TLE2: variants seen among roughly 807,000 people sequenced by gnomAD.
TLE2 encodes transducin-like enhancer protein 2.
Under a neutral mutation model 97.2 loss-of-function variants are expected in TLE2, and 74 were observed. That is an observed-to-expected ratio of 0.76 (90% CI 0.63 to 0.92). The LOEUF (loss-of-function observed/expected upper bound fraction) is 0.92, where lower values mean the gene tolerates loss of function less well. Among genes scored for constraint, TLE2 ranks in the 40% least tolerant of loss-of-function variants. TLE2 has a pLI of 0.00. For synonymous variants in TLE2, 499 were observed against 432.1 expected (o/e 1.15, Z -1.92); for missense variants, 1,038 against 1,008.7 (o/e 1.03, Z -0.39).
chr19:3,046,420 C>T (rs983104170), upstream of TLE2, among the ~76,000 whole-genome samples: 2 of 152,234 alleles, frequency 1.3e-5, no homozygotes, highest in Non-Finnish European at 2.9e-5. Context: ...TTTCCTCCAC[C>T]CCTCCCCGCC....
At chr19:3,021,044 GCA>G (rs1390872881) in intron 5 of TLE2, among the ~76,000 whole-genome samples, 4 of 130,254 alleles carry the variant, frequency 3.1e-5, no homozygotes, top group South Asian at 2.6e-4. Flanking sequence ...AGCCAAGATT[GCA>G]CCACTGCACT....
intron 10 of TLE2, 100 bp from the exon 11 acceptor site, chr19:3,013,918 G>GGGT: frequency 5.0e-6 from 6 of 1,197,310 alleles, no homozygotes; most frequent in Non-Finnish European, 6.5e-6. Context: ...CTCTAGAATG[G>GGGT]GTACCCATGA....
chr19:3,029,402 C>G (rs1246346513), upstream of TLE2: 1 of 644,714 alleles, frequency 1.6e-6, no homozygotes, highest in Admixed American at 6.5e-5. Flanking sequence ...GGCCCCCGGG[C>G]ACCCGCCCCC....
chr19:2,999,359 AAGAC>A (rs1264731942), intron 19 of TLE2, among the ~76,000 whole-genome samples: 4 of 152,128 alleles, frequency 2.6e-5, no homozygotes, highest in Non-Finnish European at 5.9e-5. Flanking sequence ...GCATATTAAA[AAGAC>A]AGCCAATAAC....
chr19:3,023,175 C>T (rs1056256320), intron 5 of TLE2, among the ~76,000 whole-genome samples: 8 of 151,964 alleles, frequency 5.3e-5, no homozygotes, highest in Admixed American at 5.3e-4. Flanking sequence ...CTGCCTCAGC[C>T]TCCCGAGTAG....
chr19:3,030,619 G>A (rs1450192149), upstream of TLE2, among the ~76,000 whole-genome samples: 1 of 151,986 alleles, frequency 6.6e-6, no homozygotes, highest in Non-Finnish European at 1.5e-5. Context: ...CCTTACAAAA[G>A]GGCACAAGAG....
In TLE2 at chr19:3,019,494, C is replaced by T. The variant is rs1433453848; in HGVS notation, c.370-31G>A. 15 of 1,487,342 alleles carry T rather than the reference C, an allele frequency of 1.0e-5. No homozygotes were observed. Among genetic ancestry groups the T allele is most frequent in the Admixed American group, 6.6e-5 (3 of 45,396 alleles). The allele number at this position is 1,487,342 out of a possible 1,614,324, so 92.1% of individuals were successfully genotyped here. ...AGAAAGGAGGCAGGATGGGCCGGGG[C>T]GGGGGGCGGCAGGAGCCCAGCGGTC... is the stretch of plus-strand genomic sequence containing the variant. On this transcript the variant is annotated intron_variant, in intron 6 of 19. Transcript: ENST00000262953. This position sits in a 1 kb window ranked among gnomAD's most constrained non-coding sequence, Gnocchi z 5.1.
At chr19:3,029,952 AC>A (rs774296884), upstream of TLE2, among the ~76,000 whole-genome samples, 63 of 152,084 alleles carry the variant, frequency 4.1e-4, 1 homozygote, top group Non-Finnish European at 7.9e-4. Flanking sequence ...GTGCACCACC[AC>A]GCCCAGCTAA....
Position 3,019,185 on chromosome 19 carries a change from A to G in TLE2, c.550+98T>C, listed in dbSNP as rs2089783208. 1.2e-5 allele frequency: 17 copies of G among 1,465,258 alleles called. No homozygotes were observed. In the South Asian group the frequency reaches 1.9e-4, roughly 17 times the overall value. The allele number at this position is 1,465,258 out of a possible 1,614,324, so 90.8% of individuals were successfully genotyped here. A position where few individuals can be genotyped will look rare whatever the true frequency, so the allele number is the denominator to read the frequency against. The stretch of plus-strand genomic sequence containing the variant: ...ATTGTTGGGATTATAGGCATGAGCC[A>G]CTTCATCCCCTCACGCTGATGTTTG... On this transcript the variant is annotated intron_variant, in intron 7 of 19. Coordinates refer to ENST00000262953, the MANE Select transcript of TLE2 (RefSeq NM_003260.5). This position sits in a 1 kb window ranked among gnomAD's most constrained non-coding sequence, Gnocchi z 5.1.
At chr19:3,016,940 A>G (rs938103893) in intron 8 of TLE2, among the ~76,000 whole-genome samples, 5 of 149,416 alleles carry the variant, frequency 3.3e-5, no homozygotes, top group African/African-American at 7.5e-5. Flanking sequence ...CACCACACCC[A>G]GCTAATTTTG....
At chr19:3,002,972 T>A (rs2089397763) in intron 17 of TLE2, among the ~76,000 whole-genome samples, 1 of 152,168 alleles carries the variant, frequency 6.6e-6, no homozygotes. Context: ...GTGCTGGGAC[T>A]ACAGGTGTGA....
rs1458652212 is a variant in TLE2 at position 3,019,549 on chromosome 19, G to A, written c.370-86C>T. The A allele has an allele frequency of 1.3e-6, 2 of 1,485,256 alleles. No individual in the cohort carries two copies. The highest frequency in any genetic ancestry group is 1.8e-6 in the Non-Finnish European group (2 of 1,115,394). The allele number at this position is 1,485,256 out of a possible 1,614,324, so 92.0% of individuals were successfully genotyped here. A position where few individuals can be genotyped will look rare whatever the true frequency, so the allele number is the denominator to read the frequency against. On this transcript the variant is annotated intron_variant, in intron 6 of 19. Coordinates refer to ENST00000262953, the MANE Select transcript of TLE2 (RefSeq NM_003260.5). The surrounding 1 kb of genome is among the most constrained non-coding windows in gnomAD (Gnocchi z 5.1). Reference sequence around the variant, plus strand: ...GCCCAAGAGGTAGACACAGGGGATGGGACCTAAGCACAGCATGTGCCCCTG... The same window carrying A: ...GCCCAAGAGGTAGACACAGGGGATGAGACCTAAGCACAGCATGTGCCCCTG...
intron 14 of TLE2, among the ~76,000 whole-genome samples, chr19:3,008,454 TC>T (rs1436043059): frequency 3.6e-5 from 5 of 138,110 alleles, no homozygotes; most frequent in Non-Finnish European, 7.9e-5. Flanking sequence ...TTTTCTTTTT[TC>T]TTTTTTTTTT....
upstream of TLE2, among the ~76,000 whole-genome samples, chr19:3,033,372 T>C (rs1347023055): frequency 2.0e-5 from 3 of 152,086 alleles, no homozygotes; most frequent in African/African-American, 7.2e-5. Flanking sequence ...TTTCACCATG[T>C]TAGTCAGGAT....
At chr19:3,000,997 G>A (rs2089346026) in intron 18 of TLE2, among the ~76,000 whole-genome samples, 2 of 151,656 alleles carry the variant, frequency 1.3e-5, no homozygotes, top group East Asian at 2.0e-4. Flanking sequence ...ATTTTTTGCC[G>A]GGGGCAGTGG....
intron 9 of TLE2, 50 bp from the exon 10 acceptor site, chr19:3,014,664 A>C: frequency 6.6e-7 from 1 of 1,515,834 alleles, no homozygotes; most frequent in Non-Finnish European, 8.9e-7. Flanking sequence ...CCCTGCCTCC[A>C]CACCCCCTAT....
intron 19 of TLE2, 37 bp from the exon 20 acceptor site, chr19:2,997,992 G>A: frequency 1.3e-6 from 2 of 1,501,194 alleles, no homozygotes; most frequent in Admixed American, 1.8e-5. Context: ...GGCACAGTGA[G>A]GCATGGTCCC....
rs140562413 is a variant in TLE2 at position 3,026,857 on chromosome 19, C to A, written c.231+972G>T. ...GAGGTCTATCTCAGAACCTTGAGGT[C>A]TATCTCAGAACTCTGAGGTCTATCT... On this transcript the variant is annotated intron_variant, in intron 4 of 19. Coordinates refer to ENST00000262953, the MANE Select transcript of TLE2 (RefSeq NM_003260.5). Among the ~76,000 whole-genome samples the A allele has an allele frequency of 1.6e-3, 243 of 152,236 alleles. 1 individual carries two copies. Among genetic ancestry groups the A allele is most frequent in the African/African-American group, 5.6e-3 (233 of 41,528 alleles).
At chr19:3,028,599 C>T (rs1599246915) in intron 2 of TLE2, 107 bp downstream of exon 2, 3 of 1,329,390 alleles carry the variant, frequency 2.3e-6, no homozygotes, top group South Asian at 2.4e-5. Context: ...CTTTGTCGCG[C>T]CCCCCCTCCA....
Sources: allele counts gnomAD v4.1 joint callset (sites outside exome capture counted in the v4.1 genomes callset), GRCh38; gene constraint gnomAD v4.1.1; non-coding constraint Gnocchi (gnomAD v3.1); transcripts MANE v1.5; gene names NCBI Gene and HGNC (gene_info 2026-07-23, HGNC 2026-07-21).